The following SCAPER variants were observed in gnomAD, a reference collection of about 807,000 sequenced individuals.
SCAPER encodes S phase cyclin A-associated protein in the endoplasmic reticulum.
Under a neutral mutation model 182.2 loss-of-function variants are expected in SCAPER, and 98 were observed. The observed-to-expected ratio is 0.54, with a 90% CI of 0.46 to 0.64. The LOEUF (loss-of-function observed/expected upper bound fraction) is 0.64. Ranked by LOEUF, SCAPER falls within the 30% of genes least tolerant of loss-of-function variation. The pLI, the probability that SCAPER is intolerant of heterozygous loss-of-function variation, is 0.00. For synonymous variants in SCAPER, 605 were observed against 564.6 expected (o/e 1.07, Z -1.01); for missense variants, 1,432 against 1,690.0 (o/e 0.85, Z 2.68).
rs540194913 is a variant in SCAPER, at chr15:76,473,135, G to C, written c.2955-1800C>G. ...GGAAGTCAGGGTCAGTTCATGAAAA[G>C]CTGTTAAACAATATGCTAAAGTTGA... On this transcript the variant is annotated intron_variant, in intron 24 of 31. Coordinates refer to ENST00000563290, the MANE Select transcript of SCAPER (RefSeq NM_020843.4). Among the ~76,000 whole-genome samples the C allele has an allele frequency of 4.6e-5, 7 of 152,304 alleles. No individual in the cohort carries two copies. In the South Asian group the frequency reaches 1.5e-3, roughly 32 times the overall value.
At chr15:76,479,166 GA>G (rs1465162188) in intron 24 of SCAPER, among the ~76,000 whole-genome samples, 1 of 151,626 alleles carries the variant, frequency 6.6e-6, no homozygotes, top group East Asian at 1.9e-4. Context: ...TTCTGATGAG[GA>G]AAAAAAAGGA....
chr15:76,627,699 G>A (rs1176136056), intron 21 of SCAPER, among the ~76,000 whole-genome samples: 1 of 152,126 alleles, frequency 6.6e-6, no homozygotes, highest in Non-Finnish European at 1.5e-5. Context: ...ATCGTTGATG[G>A]GCATTTGGGT....
chr15:76,485,045 C>T (rs1218262264), intron 24 of SCAPER, among the ~76,000 whole-genome samples: 1 of 152,122 alleles, frequency 6.6e-6, no homozygotes, highest in African/African-American at 2.4e-5. Context: ...ATTGGAAGTC[C>T]TGGCCAGGGC....
intron 5 of SCAPER, among the ~76,000 whole-genome samples, chr15:76,817,296 T>C (rs1302171276): frequency 6.6e-6 from 1 of 152,208 alleles, no homozygotes; most frequent in East Asian, 1.9e-4. Flanking sequence ...CATTGTGCTA[T>C]GTGAAATAAG....
intron 29 of SCAPER, 23 bp downstream of exon 29, chr15:76,376,139 A>G (rs981794229): frequency 6.2e-7 from 1 of 1,613,204 alleles, no homozygotes; most frequent in East Asian, 2.2e-5. Flanking sequence ...GAGCAGTCTA[A>G]GGAACTTTCC....
chr15:76,789,468 C>T (rs183302152), intron 8 of SCAPER, among the ~76,000 whole-genome samples: 35 of 152,110 alleles, frequency 2.3e-4, no homozygotes, highest in Non-Finnish European at 4.9e-4. Context: ...AATCTTTTAA[C>T]CAATAAAATT....
chr15:76,765,772 A>G, intron 11 of SCAPER, 134 bp from the exon 12 acceptor site: 1 of 732,860 alleles, frequency 1.4e-6, no homozygotes, highest in Non-Finnish European at 2.3e-6. Flanking sequence ...ACCAGGAAAA[A>G]GGTACCTACC....
chr15:76,558,291 C>A (rs1228296769), intron 23 of SCAPER, among the ~76,000 whole-genome samples: 1 of 152,028 alleles, frequency 6.6e-6, no homozygotes, highest in African/African-American at 2.4e-5. Context: ...AGGAACTTAA[C>A]AAATTAACAA....
At chr15:76,728,133 T>C (rs1033475673) in intron 17 of SCAPER, among the ~76,000 whole-genome samples, 1 of 150,436 alleles carries the variant, frequency 6.6e-6, no homozygotes, top group Non-Finnish European at 1.5e-5. Context: ...CTTTAAATCT[T>C]AAACAAGTGA....
chr15:76,593,414 C>T (rs1201232784), intron 22 of SCAPER, among the ~76,000 whole-genome samples: 1 of 121,268 alleles, frequency 8.2e-6, no homozygotes, highest in Non-Finnish European at 2.0e-5. Context: ...CTTAAACATT[C>T]CAGCCTGCTG....
intron 4 of SCAPER, among the ~76,000 whole-genome samples, chr15:76,843,081 T>C (rs2069640266): frequency 1.3e-5 from 2 of 152,196 alleles, no homozygotes. Flanking sequence ...CATTCATCCC[T>C]ACCTGTTTAT....
intron 16 of SCAPER, among the ~76,000 whole-genome samples, chr15:76,731,045 C>A (rs987329190): frequency 6.6e-5 from 10 of 152,174 alleles, no homozygotes; most frequent in East Asian, 3.9e-4. Flanking sequence ...AATTTAAATT[C>A]CCGAAAGACA....
intron 4 of SCAPER, among the ~76,000 whole-genome samples, chr15:76,847,236 G>C (rs1164261165): frequency 2.6e-5 from 4 of 151,928 alleles, no homozygotes; most frequent in Non-Finnish European, 5.9e-5. Flanking sequence ...TAGTTAATGG[G>C]TACAAAAAAA....
intron 22 of SCAPER, among the ~76,000 whole-genome samples, chr15:76,609,242 C>A (rs1405148045): frequency 6.6e-6 from 1 of 151,930 alleles, no homozygotes; most frequent in South Asian, 2.1e-4. Context: ...ATCCCAGTGC[C>A]TTGGGAGGCT....
At chr15:76,517,230 A>T (rs2042497772) in intron 23 of SCAPER, among the ~76,000 whole-genome samples, 1 of 151,994 alleles carries the variant, frequency 6.6e-6, no homozygotes, top group African/African-American at 2.4e-5. Flanking sequence ...ATATATACAT[A>T]CACTTTTAAA....
chr15:76,388,113 C>A (rs886523663), intron 27 of SCAPER, among the ~76,000 whole-genome samples: 1 of 152,176 alleles, frequency 6.6e-6, no homozygotes, highest in East Asian at 1.9e-4. Context: ...TCAAAGTTCC[C>A]AAGTAAAGTG....
intron 28 of SCAPER, among the ~76,000 whole-genome samples, chr15:76,378,846 C>T (rs957179376): frequency 6.6e-6 from 1 of 152,176 alleles, no homozygotes; most frequent in African/African-American, 2.4e-5. Context: ...CATGGAGAAG[C>T]AGTAGTAGAT....
intron 27 of SCAPER, among the ~76,000 whole-genome samples, chr15:76,381,839 G>A (rs2042963355): frequency 6.6e-6 from 1 of 152,148 alleles, no homozygotes; most frequent in East Asian, 1.9e-4. Flanking sequence ...TGTCAACTGA[G>A]CACTCTGCAG....
At chr15:76,871,428 T>G (rs1443861945) in intron 2 of SCAPER, among the ~76,000 whole-genome samples, 2 of 145,456 alleles carry the variant, frequency 1.4e-5, no homozygotes, top group Non-Finnish European at 3.0e-5. Flanking sequence ...AAAAAAAACC[T>G]AATAAAAAAT....
Sources: allele counts gnomAD v4.1 joint callset (sites outside exome capture counted in the v4.1 genomes callset), GRCh38; gene constraint gnomAD v4.1.1; transcripts MANE v1.5; gene names NCBI Gene and HGNC (gene_info 2026-07-23, HGNC 2026-07-21).